The following CAMTA1 variants were observed in gnomAD, a reference collection of about 807,000 sequenced individuals.
CAMTA1 encodes calmodulin-binding transcription activator 1.
In CAMTA1, 27 loss-of-function variants were observed where a neutral mutation model predicts 170.9. The observed-to-expected ratio is 0.16, with a 90% CI of 0.12 to 0.22. The LOEUF (loss-of-function observed/expected upper bound fraction) is 0.22, where lower values mean the gene tolerates loss of function less well. CAMTA1 is among the 10% of genes least tolerant of loss of function. The pLI is 1.00. For synonymous variants in CAMTA1, 833 were observed against 891.5 expected (o/e 0.93, Z 1.17); for missense variants, 1,619 against 2,217.2 (o/e 0.73, Z 5.42).
rs1021397322 is a variant in CAMTA1 at position 7,493,656 on chromosome 1, G to T, written c.510+25755G>T. 1.9e-3 allele frequency among the ~76,000 whole-genome samples: 247 copies of T among 128,922 alleles called. 1 individual carries two copies. Among genetic ancestry groups the T allele is most frequent in the Middle Eastern group, 0.016 (4 of 244 alleles). The allele number at this position is 128,922 out of a possible 152,430, so 84.6% of individuals were successfully genotyped here. A position where few individuals can be genotyped will look rare whatever the true frequency, so the allele number is the denominator to read the frequency against. On this transcript the variant is annotated intron_variant, in intron 6 of 22. Transcript: ENST00000303635. ...CCCCCAGGGAACTGGGGGGGGGGGG[G>T]GGTCAGCGGAAGAGTTTGTCCTTGA... is the stretch of plus-strand genomic sequence containing the variant.
At chr1:7,187,135 C>T (rs997021043) in intron 4 of CAMTA1, among the ~76,000 whole-genome samples, 5 of 151,968 alleles carry the variant, frequency 3.3e-5, no homozygotes, top group African/African-American at 9.7e-5. Context: ...GGGCACAGGG[C>T]AGGGTGGGTG....
chr1:7,175,145 A>G (rs1194327389), intron 4 of CAMTA1, among the ~76,000 whole-genome samples: 1 of 152,138 alleles, frequency 6.6e-6, no homozygotes, highest in South Asian at 2.1e-4. Flanking sequence ...CATGTGCCCA[A>G]GCACACACTT....
At chr1:6,851,650 G>A (rs953389320) in intron 3 of CAMTA1, among the ~76,000 whole-genome samples, 11 of 152,236 alleles carry the variant, frequency 7.2e-5, no homozygotes, top group Non-Finnish European at 1.5e-4. Flanking sequence ...AGACTGAGGC[G>A]GATGGATCAC....
intron 6 of CAMTA1, among the ~76,000 whole-genome samples, chr1:7,541,523 A>G (rs2094610546): frequency 6.6e-6 from 1 of 152,242 alleles, no homozygotes; most frequent in African/African-American, 2.4e-5. Flanking sequence ...TTGCTGCCCA[A>G]GGTGCACGGA....
chr1:7,690,391 C>A (rs1219290457), intron 11 of CAMTA1, among the ~76,000 whole-genome samples: 1 of 152,162 alleles, frequency 6.6e-6, no homozygotes, highest in Non-Finnish European at 1.5e-5. Flanking sequence ...CGGGAGGTAC[C>A]CAGTGGAGGC....
At position 7,737,536 on chromosome 1, in the gene CAMTA1, C is replaced by T; in HGVS notation, c.3624C>T (p.Pro1208=). ...HSEAISSPEI[P]KGVTVIASTN... is the part of the protein sequence containing the mutation. The stretch of plus-strand genomic sequence containing the variant: ...AAGCCATCAGCTCTCCAGAAATACC[C>T]AAGGGAGTCACTGTTATTGCAAGCA... Residue 1208 remains proline (P), a synonymous_variant, in exon 15 of 23, where the codon CCC becomes CCT. Coordinates refer to ENST00000303635, the MANE Select transcript of CAMTA1 (RefSeq NM_015215.4). 6.2e-7 allele frequency: 1 copy of T among 1,613,046 alleles called. No homozygotes were observed. The highest frequency in any genetic ancestry group is 8.5e-7 in the Non-Finnish European group (1 of 1,179,310).
chr1:6,800,279 C>T (rs183985797), intron 1 of CAMTA1, among the ~76,000 whole-genome samples: 11 of 152,022 alleles, frequency 7.2e-5, no homozygotes, highest in African/African-American at 1.7e-4. Flanking sequence ...TGTTGGTGTG[C>T]GCCTGTGATC....
intron 16 of CAMTA1, among the ~76,000 whole-genome samples, chr1:7,744,460 A>AG (rs1184358353): frequency 5.3e-5 from 8 of 152,112 alleles, no homozygotes; most frequent in Admixed American, 5.2e-4. Flanking sequence ...GCCAGACAAA[A>AG]GGGGGTGGTT....
At chr1:6,892,084 A>G (rs1404346252) in intron 3 of CAMTA1, among the ~76,000 whole-genome samples, 1 of 152,216 alleles carries the variant, frequency 6.6e-6, no homozygotes, top group Non-Finnish European at 1.5e-5. Context: ...CCCCTCTTAA[A>G]ATGGCTAACC....
At chr1:7,247,045 TAGGACCCTG>T (rs1665929589) in intron 4 of CAMTA1, among the ~76,000 whole-genome samples, 1 of 152,244 alleles carries the variant, frequency 6.6e-6, no homozygotes, top group South Asian at 2.1e-4. Context: ...TTGCTGTTCC[TAGGACCCTG>T]AGTTGTGGTA....
chr1:7,492,637 A>G (rs2093726096), intron 6 of CAMTA1, among the ~76,000 whole-genome samples: 1 of 148,096 alleles, frequency 6.8e-6, no homozygotes, highest in Non-Finnish European at 1.5e-5. Flanking sequence ...GCGCACACAA[A>G]CACATACAAT....
rs1424737653 is a variant in CAMTA1, at chr1:7,271,928, C to T, written c.438+22302C>T. 3.3e-5 allele frequency among the ~76,000 whole-genome samples: 5 copies of T among 151,818 alleles called. No homozygotes were observed. In the East Asian group the frequency reaches 7.7e-4, roughly 23 times the overall value. On this transcript the variant is annotated intron_variant, in intron 5 of 22. Transcript: ENST00000303635. ...TTTACTCAAGAAGAAACAGAGAATCCGAATAGACCAAAAACAGAGATATTA... is the reference window on the plus strand; with the variant it reads ...TTTACTCAAGAAGAAACAGAGAATCTGAATAGACCAAAAACAGAGATATTA...
At chr1:6,953,140 A>G (rs1002677247) in intron 3 of CAMTA1, among the ~76,000 whole-genome samples, 7 of 152,218 alleles carry the variant, frequency 4.6e-5, no homozygotes, top group Non-Finnish European at 1.0e-4. Context: ...TGTTTGCCTG[A>G]TAGCCCGTCC....
At chr1:6,847,538 A>G (rs1287362617) in intron 3 of CAMTA1, among the ~76,000 whole-genome samples, 1 of 149,956 alleles carries the variant, frequency 6.7e-6, no homozygotes, top group African/African-American at 2.5e-5. Context: ...TTGCGTTTAA[A>G]TTTTGTTTTT....
intron 6 of CAMTA1, among the ~76,000 whole-genome samples, chr1:7,568,598 T>TCAC (rs1226871242): frequency 7.1e-6 from 1 of 141,268 alleles, no homozygotes; most frequent in African/African-American, 2.8e-5. Context: ...ACCATCATCA[T>TCAC]CACCACATCA....
At chr1:7,488,819 C>T (rs2093658966) in intron 6 of CAMTA1, among the ~76,000 whole-genome samples, 3 of 152,014 alleles carry the variant, frequency 2.0e-5, no homozygotes, top group African/African-American at 7.3e-5. Flanking sequence ...AAATATGTAC[C>T]TTAACATCAC....
At chr1:6,935,257 T>A (rs1034372931) in intron 3 of CAMTA1, among the ~76,000 whole-genome samples, 1 of 152,182 alleles carries the variant, frequency 6.6e-6, no homozygotes, top group African/African-American at 2.4e-5. Flanking sequence ...CTTGGCAGTT[T>A]GGAAGTAAAA....
intron 6 of CAMTA1, among the ~76,000 whole-genome samples, chr1:7,510,475 CA>C (rs899682202): frequency 2.7e-5 from 4 of 146,100 alleles, no homozygotes; most frequent in Admixed American, 2.0e-4. Flanking sequence ...TTAAGAGGAT[CA>C]GGGGCAGTGC....
At chr1:7,090,518 G>A (rs1368105957) in intron 3 of CAMTA1, among the ~76,000 whole-genome samples, 7 of 152,142 alleles carry the variant, frequency 4.6e-5, no homozygotes, top group South Asian at 2.1e-4. Context: ...AGATCCTTTC[G>A]GAGGTGGAAG....
Sources: allele counts gnomAD v4.1 joint callset (sites outside exome capture counted in the v4.1 genomes callset), GRCh38; gene constraint gnomAD v4.1.1; transcripts MANE v1.5; gene names NCBI Gene and HGNC (gene_info 2026-07-23, HGNC 2026-07-21).